Variants in ALK observed in about 807,000 individuals in gnomAD.
The protein encoded by ALK is ALK tyrosine kinase receptor.
Under a neutral mutation model 163.1 loss-of-function variants are expected in ALK, and 74 were observed. That is an observed-to-expected ratio of 0.45 (90% CI 0.38 to 0.55). ALK has a LOEUF of 0.55. Among genes scored for constraint, ALK ranks in the 20% least tolerant of loss-of-function variants. ALK has a pLI of 0.00. For missense variants in ALK, 2,063 were observed against 2,105.3 expected, an observed-to-expected ratio of 0.98 and a Z score of 0.39; for synonymous variants, 960 against 843.2, an observed-to-expected ratio of 1.14 and a Z score of -2.40.
In ALK at chr2:29,223,630, C is replaced by G. The variant is rs368452925; in HGVS notation, c.3173-102G>C. ...AAGCCTCCCTGGATCTCCATATCCT[C>G]CCCTGAGCTCTGAACCTTTCCATCA... On this transcript the variant is annotated intron_variant, in intron 19 of 28. Transcript: ENST00000389048. The G allele has an allele frequency of 5.5e-6, 6 of 1,086,140 alleles. No individual in the cohort carries two copies. In the Admixed American group the frequency reaches 1.2e-4, roughly 21 times the overall value. 67.3% of individuals were successfully genotyped at this position (1,086,140 alleles called of 1,614,324 possible).
At chr2:29,764,211 G>T (rs1015698208) in intron 1 of ALK, among the ~76,000 whole-genome samples, 11 of 152,276 alleles carry the variant, frequency 7.2e-5, no homozygotes, top group Admixed American at 2.0e-4. Flanking sequence ...CTGAGGCCCT[G>T]GGTTGACTGC....
At chr2:29,294,280 C>T (rs1222113236) in intron 9 of ALK, among the ~76,000 whole-genome samples, 1 of 152,192 alleles carries the variant, frequency 6.6e-6, no homozygotes, top group African/African-American at 2.4e-5. Flanking sequence ...GAAGAGAATG[C>T]TTTTTGCTCC....
At chr2:29,416,672 C>A (rs1166503632) in intron 4 of ALK, among the ~76,000 whole-genome samples, 1 of 152,126 alleles carries the variant, frequency 6.6e-6, no homozygotes, top group Non-Finnish European at 1.5e-5. Flanking sequence ...AAGGCTTGGG[C>A]CCCAGATACT....
Position 29,920,107 on chromosome 2 carries a change from G to T in ALK, c.553C>A (p.Leu185Met). 1.9e-6 allele frequency: 3 copies of T among 1,614,162 alleles called. No homozygotes were observed. Among genetic ancestry groups the T allele is most frequent in the Non-Finnish European group, 2.5e-6 (3 of 1,180,050 alleles). The change falls in exon 1 of 29, where the codon CTG (leucine) becomes ATG (methionine). Residue 185 changes from leucine to methionine, a missense_variant. Transcript: ENST00000389048. ...SWWIRQGEGR[L>M]RIRLMPEKKA... ...TTCTCGGGCATCAGGCGGATCCTCAGTCGCCCTTCGCCTTGGCGAATCCAC... is the reference window on the plus strand; with the variant it reads ...TTCTCGGGCATCAGGCGGATCCTCATTCGCCCTTCGCCTTGGCGAATCCAC...
intron 3 of ALK, among the ~76,000 whole-genome samples, chr2:29,576,502 GTCCCTCCCTGT>G (rs1478420003): frequency 6.6e-6 from 1 of 152,178 alleles, no homozygotes; most frequent in East Asian, 1.9e-4. Flanking sequence ...GTTGACATTT[GTCCCTCCCTGT>G]TCAGCTCGGT....
intron 8 of ALK, among the ~76,000 whole-genome samples, chr2:29,316,695 A>G (rs572585311): frequency 1.3e-5 from 2 of 152,336 alleles, no homozygotes; most frequent in East Asian, 3.9e-4. Flanking sequence ...CTGCTCTCAG[A>G]CACCTGAGAA....
At chr2:29,456,511 C>A (rs1670956963) in intron 4 of ALK, among the ~76,000 whole-genome samples, 1 of 151,992 alleles carries the variant, frequency 6.6e-6, no homozygotes, top group Non-Finnish European at 1.5e-5. Flanking sequence ...GTAGAGTAGT[C>A]AAATTCATAG....
intron 4 of ALK, among the ~76,000 whole-genome samples, chr2:29,497,604 T>A (rs557278996): frequency 6.6e-6 from 1 of 152,302 alleles, no homozygotes; most frequent in African/African-American, 2.4e-5. Flanking sequence ...TGGTAATTTG[T>A]AAATGTCTGC....
intron 3 of ALK, among the ~76,000 whole-genome samples, chr2:29,685,891 T>C (rs1037977787): frequency 1.3e-5 from 2 of 152,182 alleles, no homozygotes; most frequent in South Asian, 2.1e-4. Flanking sequence ...CCATTCTTCC[T>C]CTCACGGCTT....
intron 7 of ALK, among the ~76,000 whole-genome samples, chr2:29,319,885 G>T (rs1021157279): frequency 1.3e-5 from 2 of 152,236 alleles, no homozygotes; most frequent in African/African-American, 4.8e-5. Context: ...AGCATTGGAG[G>T]GTCTCTAGTT....
At chr2:29,830,736 A>C (rs1261824008) in intron 1 of ALK, among the ~76,000 whole-genome samples, 77 of 94,984 alleles carry the variant, frequency 8.1e-4, no homozygotes, top group South Asian at 1.7e-3. Context: ...AAAAAAAAAA[A>C]AAAAAAAAAA....
At chr2:29,583,042 G>GTTTTTTTT (rs34611118) in intron 3 of ALK, among the ~76,000 whole-genome samples, 237 of 143,704 alleles carry the variant, frequency 1.6e-3, no homozygotes, top group African/African-American at 2.5e-3. Context: ...TTTGTTTTTT[G>GTTTTTTTT]TTTTTTTGTT....
intron 4 of ALK, among the ~76,000 whole-genome samples, chr2:29,401,415 C>G (rs536099255): frequency 3.3e-5 from 5 of 152,206 alleles, no homozygotes; most frequent in Non-Finnish European, 7.3e-5. Context: ...CAGCCAACCC[C>G]CTGTATCATA....
chr2:29,692,607 A>C (rs1211282782), intron 3 of ALK, among the ~76,000 whole-genome samples: 1 of 152,230 alleles, frequency 6.6e-6, no homozygotes, highest in East Asian at 1.9e-4. Flanking sequence ...TCCTATAAGA[A>C]TCTAATGCGG....
chr2:29,910,898 T>A (rs180739527), intron 1 of ALK, among the ~76,000 whole-genome samples: 1 of 152,198 alleles, frequency 6.6e-6, no homozygotes, highest in Admixed American at 6.5e-5. Context: ...AAACTCCAAG[T>A]GCAGCCAAGA....
chr2:29,311,805 C>T (rs988654825), intron 8 of ALK, among the ~76,000 whole-genome samples: 5 of 151,738 alleles, frequency 3.3e-5, no homozygotes, highest in South Asian at 2.1e-4. Context: ...GGGATGGGGG[C>T]GATGTGGGGG....
intron 5 of ALK, among the ~76,000 whole-genome samples, chr2:29,338,896 T>C (rs146925632): frequency 6.6e-6 from 1 of 152,342 alleles, no homozygotes; most frequent in African/African-American, 2.4e-5. Flanking sequence ...CCAGTCTCCA[T>C]TTCAATCTTT....
In ALK at chr2:29,320,889, A is replaced by AAT; in HGVS notation, c.1415-8_1415-7insAT. ...AAACCCACAGGCAGTTTCCCTATGG[A>AAT]GAGAGCAGAGAGGCACCATCATTTT... On this transcript the variant is annotated splice_region_variant and splice_polypyrimidine_tract_variant and intron_variant, in intron 6 of 28. Transcript: ENST00000389048. 4 of 1,614,186 alleles carry AAT rather than the reference A, an allele frequency of 2.5e-6. No homozygotes were observed. Among genetic ancestry groups the AAT allele is most frequent in the Non-Finnish European group, 1.7e-6 (2 of 1,180,016 alleles).
At chr2:29,221,459 A>G (rs770181541) in intron 22 of ALK, among the ~76,000 whole-genome samples, 5 of 152,124 alleles carry the variant, frequency 3.3e-5, no homozygotes, top group Non-Finnish European at 5.9e-5. Flanking sequence ...ACAGCCCCCC[A>G]AGTGTTGAAA....
Sources: allele counts gnomAD v4.1 joint callset (sites outside exome capture counted in the v4.1 genomes callset), GRCh38; gene constraint gnomAD v4.1.1; transcripts MANE v1.5; gene names NCBI Gene and HGNC (gene_info 2026-07-23, HGNC 2026-07-21).